The following IL1RAP variants were observed in gnomAD, a reference collection of about 807,000 sequenced individuals.
IL1RAP encodes interleukin 1 receptor accessory protein, also known as interleukin-1 receptor accessory protein.
IL1RAP carries 35 observed loss-of-function variants against 60.7 expected under a neutral mutation model. That is an observed-to-expected ratio of 0.58 (90% CI 0.44 to 0.76). IL1RAP has a LOEUF of 0.76. Among genes scored for constraint, IL1RAP ranks in the 30% least tolerant of loss-of-function variants. IL1RAP has a pLI of 0.00. For missense variants in IL1RAP, 572 were observed against 693.9 expected (o/e 0.82, Z 1.97); for synonymous variants, 268 against 250.9 (o/e 1.07, Z -0.64).
chr3:190,590,886 CA>C (rs1339650395), intron 3 of IL1RAP, among the ~76,000 whole-genome samples: 1 of 152,038 alleles, frequency 6.6e-6, no homozygotes, highest in African/African-American at 2.4e-5. Context: ...TTCACTGGGA[CA>C]ATGTAGTAGA....
chr3:190,588,907 C>G (rs1243708256), intron 3 of IL1RAP, among the ~76,000 whole-genome samples: 2 of 152,106 alleles, frequency 1.3e-5, no homozygotes, highest in African/African-American at 4.8e-5. Context: ...TGATATAAGT[C>G]CAGTATAAAC....
intron 3 of IL1RAP, among the ~76,000 whole-genome samples, chr3:190,596,980 A>C (rs969588519): frequency 6.6e-6 from 1 of 152,210 alleles, no homozygotes; most frequent in Non-Finnish European, 1.5e-5. Context: ...ACTAATTTCA[A>C]ATGGGCAAAT....
In IL1RAP at chr3:190,627,416, A is replaced by G; in HGVS notation, c.869A>G (p.Asp290Gly). The G allele has an allele frequency of 1.2e-6, 2 of 1,610,578 alleles. No homozygotes were observed. The highest frequency in any genetic ancestry group is 1.7e-4 in the Middle Eastern group (1 of 6,056). ...VWWTIDGKKP[D>G]DITIDVTINE... ...TGGACCATTGATGGAAAAAAACCTG[A>G]TGACATCACTATTGATGTCACCATT... Residue 290 changes from aspartate to glycine, a missense_variant, in exon 8 of 12, where the codon GAT becomes GGT. By Grantham distance (94) the Asp-to-Gly change is moderately conservative (BLOSUM62 -1). Transcript: ENST00000447382.
In IL1RAP at chr3:190,604,968, A is replaced by G. The variant is rs1577707611; in HGVS notation, c.350+555A>G. ...CATTATCATTTCTGTCAGACACTGC[A>G]CATCTAGCCCCCAAATCAGAAGACC... On this transcript the variant is annotated intron_variant, in intron 4 of 11. Coordinates refer to ENST00000447382, the MANE Select transcript of IL1RAP (RefSeq NM_002182.4). 2.0e-5 allele frequency among the ~76,000 whole-genome samples: 3 copies of G among 152,310 alleles called. No individual in the cohort carries two copies. The South Asian group carries it at 6.2e-4, about 32-fold the overall frequency.
chr3:190,653,652 G>A (rs1734501266), downstream of IL1RAP, among the ~76,000 whole-genome samples: 1 of 151,916 alleles, frequency 6.6e-6, no homozygotes, highest in African/African-American at 2.4e-5. Context: ...CTTGAGTATT[G>A]AAGAGTTCTC....
At chr3:190,645,287 T>G (rs558870894) in intron 10 of IL1RAP, among the ~76,000 whole-genome samples, 1 of 152,228 alleles carries the variant, frequency 6.6e-6, no homozygotes, top group African/African-American at 2.4e-5. Flanking sequence ...ATTTTAGTTC[T>G]TTTCAGATAT....
At chr3:190,641,014 G>A (rs1733621722) in intron 9 of IL1RAP, among the ~76,000 whole-genome samples, 1 of 152,058 alleles carries the variant, frequency 6.6e-6, no homozygotes. Context: ...TGCCAAGGCT[G>A]GAGTGCAATG....
chr3:190,572,223 G>A (rs1726990538), intron 3 of IL1RAP, among the ~76,000 whole-genome samples: 1 of 152,122 alleles, frequency 6.6e-6, no homozygotes, highest in Admixed American at 6.6e-5. Flanking sequence ...TTGATTTTTA[G>A]AGTGAAAACA....
Position 190,572,859 on chromosome 3 carries a change from G to GTTTTTTTTTTTTTTTT in IL1RAP, c.64+8513_64+8528dup, listed in dbSNP as rs1200775636. 1.8e-4 allele frequency among the ~76,000 whole-genome samples: 7 copies of GTTTTTTTTTTTTTTTT among 39,050 alleles called. 3 individuals carry two copies. Among genetic ancestry groups the GTTTTTTTTTTTTTTTT allele is most frequent in the East Asian group, 1.3e-3 (2 of 1,518 alleles). The allele number at this position is 39,050 out of a possible 152,430, so 25.6% of individuals were successfully genotyped here. On this transcript the variant is annotated intron_variant, in intron 3 of 11. Coordinates refer to ENST00000447382, the MANE Select transcript of IL1RAP (RefSeq NM_002182.4). ...TCAGCATGTCCAGGGTTAATGCTTT[G>GTTTTTTTTTTTTTTTT]TTTTTTTTTTTTTTTTTTTTTTGAG...
In IL1RAP at chr3:190,523,739, G is replaced by C. The variant is rs182264994; in HGVS notation, c.-89+9520G>C. Among the ~76,000 whole-genome samples, 3 of 152,232 alleles carry C rather than the reference G, an allele frequency of 2.0e-5. No homozygotes were observed. The South Asian group carries it at 6.2e-4, about 32-fold the overall frequency. ...CTGCATAGTATTCCACGGTGTATAT[G>C]TACCATATTTTCTTTATCCAGTGTA... On this transcript the variant is annotated intron_variant, in intron 1 of 11. Coordinates refer to ENST00000447382, the MANE Select transcript of IL1RAP (RefSeq NM_002182.4).
At chr3:190,522,399 G>GTATC (rs199662947) in intron 1 of IL1RAP, among the ~76,000 whole-genome samples, 11,083 of 133,086 alleles carry the variant, frequency 0.083, 1,046 homozygotes, top group African/African-American at 0.24. Context: ...ATCTTTCTAT[G>GTATC]TATCTATCTA....
At chr3:190,522,592 G>A (rs527836866) in intron 1 of IL1RAP, among the ~76,000 whole-genome samples, 67 of 152,180 alleles carry the variant, frequency 4.4e-4, no homozygotes, top group South Asian at 2.7e-3. Flanking sequence ...TTTACCCAAA[G>A]CCTCTCTCAT....
At chr3:190,555,465 T>C (rs936982908) in intron 1 of IL1RAP, among the ~76,000 whole-genome samples, 4 of 152,198 alleles carry the variant, frequency 2.6e-5, no homozygotes, top group Admixed American at 6.5e-5. Context: ...AGAGCATTTT[T>C]TTCCTGATCC....
At chr3:190,529,844 C>A (rs538470756) in intron 1 of IL1RAP, among the ~76,000 whole-genome samples, 1 of 139,898 alleles carries the variant, frequency 7.1e-6, no homozygotes, top group Admixed American at 7.4e-5. Context: ...GGCAACAGAG[C>A]GAGACTCTGA....
At chr3:190,654,381 G>C (rs1288185854), downstream of IL1RAP, among the ~76,000 whole-genome samples, 1 of 152,190 alleles carries the variant, frequency 6.6e-6, no homozygotes, top group Non-Finnish European at 1.5e-5. Flanking sequence ...TAGGACTAGA[G>C]GGGACTGAGG....
chr3:190,641,887 A>G (rs564327949), intron 9 of IL1RAP, among the ~76,000 whole-genome samples: 16 of 152,260 alleles, frequency 1.1e-4, no homozygotes, highest in African/African-American at 3.9e-4. Flanking sequence ...ATCTTAGTAA[A>G]CTTTCAGCAA....
intron 9 of IL1RAP, among the ~76,000 whole-genome samples, chr3:190,640,433 T>G (rs1371437187): frequency 6.6e-6 from 1 of 152,230 alleles, no homozygotes; most frequent in African/African-American, 2.4e-5. Flanking sequence ...CAGTAACATC[T>G]GCGAGTTAAT....
At chr3:190,606,734 G>A (rs1730360183) in intron 4 of IL1RAP, among the ~76,000 whole-genome samples, 1 of 152,064 alleles carries the variant, frequency 6.6e-6, no homozygotes, top group Admixed American at 6.6e-5. Flanking sequence ...AATTGAAATT[G>A]TCTGGTAGGA....
chr3:190,542,978 G>A (rs957309738), intron 1 of IL1RAP, among the ~76,000 whole-genome samples: 5 of 148,120 alleles, frequency 3.4e-5, no homozygotes, highest in Non-Finnish European at 5.9e-5. Flanking sequence ...AATCAGACAT[G>A]TGAATCCAAA....
Sources: allele counts gnomAD v4.1 joint callset (sites outside exome capture counted in the v4.1 genomes callset), GRCh38; gene constraint gnomAD v4.1.1; transcripts MANE v1.5; gene names NCBI Gene and HGNC (gene_info 2026-07-23, HGNC 2026-07-21).